Variants in BMAL1 observed in about 807,000 individuals in gnomAD.
The protein encoded by BMAL1 is basic helix-loop-helix ARNT like 1.
chr11:13,386,887 GC>G, the BMAL1 span: 2 of 1,073,900 alleles, frequency 1.9e-6, no homozygotes, highest in Non-Finnish European at 2.6e-6. Context: ...CCATCTCAGA[GC>G]CATTGATACA....
the BMAL1 span, among the ~76,000 whole-genome samples, chr11:13,284,909 C>T: frequency 6.6e-6 from 1 of 152,142 alleles, no homozygotes; most frequent in Non-Finnish European, 1.5e-5. Flanking sequence ...CTTCCCCGCT[C>T]AACCTCCATT....
the BMAL1 span, chr11:13,386,799 A>G: frequency 6.3e-7 from 1 of 1,596,800 alleles, no homozygotes; most frequent in Non-Finnish European, 8.6e-7. Context: ...ATCAAAGTGC[A>G]TTACTGGTGG....
the BMAL1 span, chr11:13,354,519 G>A: frequency 6.4e-7 from 1 of 1,557,586 alleles, no homozygotes; most frequent in South Asian, 1.2e-5. Context: ...ACATCTAGCA[G>A]CCAGCTACTG....
chr11:13,358,653 A>G, the BMAL1 span: 1 of 1,433,904 alleles, frequency 7.0e-7, no homozygotes. Context: ...ACCCTTGCCT[A>G]GAATGTTCCT....
chr11:13,381,791 A>G, the BMAL1 span, among the ~76,000 whole-genome samples: 4 of 152,338 alleles, frequency 2.6e-5, no homozygotes, highest in East Asian at 5.8e-4. Flanking sequence ...AGAGCTTGCT[A>G]TAAGACTACA....
chr11:13,364,180 T>C, the BMAL1 span, among the ~76,000 whole-genome samples: 1 of 152,220 alleles, frequency 6.6e-6, no homozygotes, highest in Non-Finnish European at 1.5e-5. Flanking sequence ...GTTGACAGAA[T>C]GAGGCTTCCA....
the BMAL1 span, among the ~76,000 whole-genome samples, chr11:13,303,105 C>T: frequency 6.6e-6 from 1 of 152,142 alleles, no homozygotes; most frequent in African/African-American, 2.4e-5. Flanking sequence ...ACTATTACTT[C>T]CCCCATTTTA....
the BMAL1 span, chr11:13,381,339 T>C: frequency 7.7e-7 from 1 of 1,296,148 alleles, no homozygotes; most frequent in African/African-American, 1.5e-5. Flanking sequence ...GAATTGCAAC[T>C]GCGATTGCTG....
chr11:13,384,718 C>T, the BMAL1 span, among the ~76,000 whole-genome samples: 1 of 151,992 alleles, frequency 6.6e-6, no homozygotes, highest in Non-Finnish European at 1.5e-5. Flanking sequence ...ATTAGATTTG[C>T]AAAAATGTAA....
At chr11:13,351,906 A>C in the BMAL1 span, among the ~76,000 whole-genome samples, 1 of 152,218 alleles carries the variant, frequency 6.6e-6, no homozygotes, top group Non-Finnish European at 1.5e-5. Flanking sequence ...GGAGACAGAG[A>C]AATGGGACAA....
At chr11:13,292,340 C>T in the BMAL1 span, among the ~76,000 whole-genome samples, 9 of 151,400 alleles carry the variant, frequency 5.9e-5, no homozygotes, top group African/African-American at 2.2e-4. Context: ...GTCAGGAGAT[C>T]GAGACCATCC....
the BMAL1 span, chr11:13,381,342 G>T: frequency 7.9e-7 from 1 of 1,268,974 alleles, no homozygotes; most frequent in South Asian, 1.2e-5. Context: ...TTGCAACTGC[G>T]ATTGCTGAAA....
the BMAL1 span, chr11:13,372,035 C>T: frequency 7.7e-7 from 1 of 1,295,652 alleles, no homozygotes; most frequent in Non-Finnish European, 1.1e-6. Flanking sequence ...ATGCTTACTT[C>T]TGGAGAGTGA....
the BMAL1 span, chr11:13,386,518 T>C: frequency 1.5e-6 from 2 of 1,356,486 alleles, no homozygotes; most frequent in Non-Finnish European, 2.0e-6. Context: ...TTATTAAAAA[T>C]GTGCTTAGGA....
chr11:13,315,034 A>G, the BMAL1 span, among the ~76,000 whole-genome samples: 18 of 151,994 alleles, frequency 1.2e-4, no homozygotes, highest in South Asian at 2.1e-4. Context: ...TATCTCTGCC[A>G]GAGACCTGAG....
At chr11:13,377,839 C>T in the BMAL1 span, among the ~76,000 whole-genome samples, 3 of 152,368 alleles carry the variant, frequency 2.0e-5, no homozygotes, top group African/African-American at 7.2e-5. Context: ...ATGCTTTCTC[C>T]TCCTTACCTC....
At chr11:13,282,282 A>G in the BMAL1 span, among the ~76,000 whole-genome samples, 66 of 152,342 alleles carry the variant, frequency 4.3e-4, no homozygotes, top group African/African-American at 6.3e-4. Flanking sequence ...GTCCTCATCT[A>G]TAAAACTGGG....
chr11:13,357,075 A>G, the BMAL1 span: 1 of 1,614,218 alleles, frequency 6.2e-7, no homozygotes, highest in Non-Finnish European at 8.5e-7. This position sits in a 1 kb window ranked among gnomAD's most constrained non-coding sequence, Gnocchi z 4.8. Flanking sequence ...ACAGAACACC[A>G]AGGAAGGATA....
chr11:13,346,961 T>G, the BMAL1 span, among the ~76,000 whole-genome samples: 2 of 152,270 alleles, frequency 1.3e-5, no homozygotes, highest in Non-Finnish European at 2.9e-5. Flanking sequence ...GAGGCTTTCT[T>G]TTTTCTTATC....
Sources: gnomAD v4.1 joint callset for allele counts (sites outside exome capture counted in the v4.1 genomes callset) on GRCh38, gnomAD v4.1.1 for gene constraint, Gnocchi (gnomAD v3.1) non-coding constraint, MANE v1.5 for transcripts, NCBI Gene and HGNC (gene_info 2026-07-23, HGNC 2026-07-21) for gene names.